The following TRHDE variants were observed in gnomAD, a reference collection of about 807,000 sequenced individuals.
The protein encoded by TRHDE is thyrotropin releasing hormone degrading enzyme.
A neutral mutation model predicts 125.7 loss-of-function variants in TRHDE; 72 were observed. The ratio of observed to expected loss-of-function variants is 0.57; its 90% CI spans 0.47 to 0.70. The LOEUF is 0.70. Among genes scored for constraint, TRHDE ranks in the 30% least tolerant of loss-of-function variants. The probability of loss-of-function intolerance (pLI) is 0.00; values close to 1 mark genes in which losing one functional copy is unlikely to be tolerated. For missense variants in TRHDE, 1,110 were observed against 1,327.1 expected (o/e 0.84, Z 2.54); for synonymous variants, 509 against 509.1 (o/e 1.00, Z 0.00).
intron 6 of TRHDE, among the ~76,000 whole-genome samples, chr12:72,536,937 T>C (rs1295924742): frequency 6.6e-6 from 1 of 152,094 alleles, no homozygotes. Flanking sequence ...GAATTTCCTT[T>C]ATTTTTCTAA....
At chr12:72,298,376 T>G (rs1023226524) in intron 2 of TRHDE, among the ~76,000 whole-genome samples, 1 of 152,190 alleles carries the variant, frequency 6.6e-6, no homozygotes, top group Non-Finnish European at 1.5e-5. Flanking sequence ...CCAGTCCAGT[T>G]GTCTCTTAGA....
intron 12 of TRHDE, among the ~76,000 whole-genome samples, chr12:72,609,152 C>T (rs1395236831): frequency 6.6e-6 from 1 of 152,124 alleles, no homozygotes; most frequent in Admixed American, 6.6e-5. Flanking sequence ...TTTACAAAGA[C>T]TAAAAACATG....
intron 2 of TRHDE, among the ~76,000 whole-genome samples, chr12:72,107,906 G>T (rs1216753836): frequency 6.6e-6 from 1 of 152,074 alleles, no homozygotes; most frequent in Admixed American, 6.6e-5. Context: ...TGGTTTAAAG[G>T]ACTGTATACT....
At chr12:72,560,092 G>A (rs914718350) in intron 7 of TRHDE, among the ~76,000 whole-genome samples, 2 of 147,822 alleles carry the variant, frequency 1.4e-5, no homozygotes, top group African/African-American at 4.9e-5. Flanking sequence ...AATTCAAGCT[G>A]TAAGTTTATG....
intron 2 of TRHDE, among the ~76,000 whole-genome samples, chr12:72,202,918 A>G (rs1311793419): frequency 2.0e-5 from 3 of 151,884 alleles, no homozygotes; most frequent in East Asian, 1.9e-4. Flanking sequence ...GCTTTGTTAC[A>G]GTGTTTAGAT....
intron 2 of TRHDE, among the ~76,000 whole-genome samples, chr12:72,181,524 A>G (rs1426095677): frequency 1.3e-5 from 2 of 152,204 alleles, no homozygotes; most frequent in Non-Finnish European, 2.9e-5. Context: ...TAAATTAAAT[A>G]TTTAATGTGT....
At chr12:72,510,753 T>A (rs1878549822) in intron 6 of TRHDE, among the ~76,000 whole-genome samples, 1 of 152,156 alleles carries the variant, frequency 6.6e-6, no homozygotes, top group African/African-American at 2.4e-5. Flanking sequence ...CTGGTTATGA[T>A]CATCTCATAA....
chr12:72,128,228 C>T (rs559507277), intron 2 of TRHDE, among the ~76,000 whole-genome samples: 12 of 152,262 alleles, frequency 7.9e-5, no homozygotes, highest in African/African-American at 2.9e-4. Flanking sequence ...ATTGTGGTAC[C>T]ATTCCTGCCT....
chr12:72,387,935 G>T (rs1405042240), intron 3 of TRHDE, among the ~76,000 whole-genome samples: 2 of 152,096 alleles, frequency 1.3e-5, no homozygotes, highest in Non-Finnish European at 2.9e-5. Flanking sequence ...CTCAGTCTCA[G>T]GTACGTCTTT....
chr12:72,519,106 A>G (rs1319942598), intron 6 of TRHDE, among the ~76,000 whole-genome samples: 1 of 152,088 alleles, frequency 6.6e-6, no homozygotes, highest in East Asian at 1.9e-4. Flanking sequence ...ACTTTGGTGA[A>G]TCTGACAATT....
chr12:72,547,218 T>A (rs1299466283), intron 7 of TRHDE, among the ~76,000 whole-genome samples: 1 of 151,710 alleles, frequency 6.6e-6, no homozygotes, highest in Non-Finnish European at 1.5e-5. Flanking sequence ...TCCTTAATAT[T>A]GTATTAAGAC....
At chr12:72,206,090 T>TC (rs1366914547) in intron 2 of TRHDE, among the ~76,000 whole-genome samples, 3 of 151,164 alleles carry the variant, frequency 2.0e-5, no homozygotes, top group Admixed American at 6.6e-5. Flanking sequence ...GGACAGATTT[T>TC]TTTTTTTTTT....
chr12:72,418,229 CTT>C (rs898591989), intron 3 of TRHDE, among the ~76,000 whole-genome samples: 4 of 151,910 alleles, frequency 2.6e-5, no homozygotes, highest in Admixed American at 6.6e-5. Flanking sequence ...CAGTGTTTCT[CTT>C]TTTGTGTTCA....
intron 15 of TRHDE, 138 bp downstream of exon 15, chr12:72,621,889 T>G (rs1873069692): frequency 6.3e-6 from 4 of 633,716 alleles, no homozygotes; most frequent in Admixed American, 3.5e-5. Flanking sequence ...TGTGTCAGGT[T>G]CACAGCTTCC....
At chr12:72,376,865 A>G (rs1254594753) in intron 2 of TRHDE, among the ~76,000 whole-genome samples, 4 of 150,316 alleles carry the variant, frequency 2.7e-5, no homozygotes, top group Non-Finnish European at 5.9e-5. Flanking sequence ...CTATATACTG[A>G]GTAAACCATT....
intron 2 of TRHDE, among the ~76,000 whole-genome samples, chr12:72,299,408 T>C (rs1565689162): frequency 2.6e-5 from 4 of 152,186 alleles, no homozygotes; most frequent in South Asian, 2.1e-4. Context: ...GTTTTCTCAT[T>C]AAGTTTAATT....
intron 6 of TRHDE, among the ~76,000 whole-genome samples, chr12:72,518,011 A>G (rs1173124374): frequency 2.0e-5 from 3 of 148,710 alleles, no homozygotes; most frequent in African/African-American, 7.6e-5. Context: ...TCTGAGAGAT[A>G]GTTTGTTATA....
intron 9 of TRHDE, among the ~76,000 whole-genome samples, chr12:72,563,317 C>T (rs1186459266): frequency 6.6e-6 from 1 of 152,038 alleles, no homozygotes; most frequent in Non-Finnish European, 1.5e-5. Flanking sequence ...TTTCACTTTT[C>T]CCCATGAATG....
intron 7 of TRHDE, among the ~76,000 whole-genome samples, chr12:72,557,691 C>T (rs540723957): frequency 6.6e-6 from 1 of 152,176 alleles, no homozygotes; most frequent in East Asian, 1.9e-4. Flanking sequence ...TTACACATGA[C>T]ATGTTATGAA....
Sources: gnomAD v4.1 joint callset for allele counts (sites outside exome capture counted in the v4.1 genomes callset) on GRCh38, gnomAD v4.1.1 for gene constraint, MANE v1.5 for transcripts, NCBI Gene and HGNC (gene_info 2026-07-23, HGNC 2026-07-21) for gene names.